Variants in IRGQ observed in about 807,000 individuals in gnomAD.
The protein encoded by IRGQ is immunity related GTPase Q, also known as immunity-related GTPase family Q protein.
A neutral mutation model predicts 10.5 loss-of-function variants in IRGQ; 5 were observed. The ratio of observed to expected loss-of-function variants is 0.48; its 90% CI spans 0.25 to 1.00. The LOEUF is 1.00. Among genes scored for constraint, IRGQ ranks in the 50% least tolerant of loss-of-function variants. The pLI is 0.16. For missense variants in IRGQ, 792 were observed against 877.7 expected, an observed-to-expected ratio of 0.90 and a Z score of 1.23; for synonymous variants, 418 against 426.0, an observed-to-expected ratio of 0.98 and a Z score of 0.23.
chr19:43,596,121 G>C lies in IRGQ; in HGVS notation c.-142C>G, dbSNP rs181082161. ...ATTTAGAGATGCCGGGACCCGTCCC[G>C]GTAGCTTTAACCTGACGTCACTCCC... is the stretch of plus-strand genomic sequence containing the variant. On this transcript the variant is annotated 5_prime_UTR_variant, in exon 1 of 3. Coordinates refer to ENST00000422989, the MANE Select transcript of IRGQ (RefSeq NM_001007561.3). 6.6e-6 allele frequency: 1 copy of C among 152,196 alleles called. No homozygotes were observed. The highest frequency in any genetic ancestry group is 2.4e-5 in the African/African-American group (1 of 41,448). The allele number at this position is 152,196 out of a possible 1,614,324, so 9.4% of individuals were successfully genotyped here. A position where few individuals can be genotyped will look rare whatever the true frequency, so the allele number is the denominator to read the frequency against.
chr19:43,595,622 G>A (rs1051920927), intron 1 of IRGQ: 5 of 292,538 alleles, frequency 1.7e-5, no homozygotes, highest in African/African-American at 6.5e-5. Flanking sequence ...CCAGTGCTTT[G>A]GGAGGCCGAG....
Position 43,592,984 on chromosome 19 carries a change from G to A in IRGQ, c.914C>T (p.Pro305Leu). ...THYDALILVTPGAPTEKDWAQ... is the reference protein window; with the variant it reads ...THYDALILVTLGAPTEKDWAQ... ...CCAGTCCTTCTCAGTGGGGGCCCCA[G>A]GGGTGACGAGGATGAGGGCGTCGTA... Residue 305 changes from proline (P) to leucine (L), a missense_variant, in exon 3 of 3, where the codon CCT becomes CTT. By Grantham distance (98) the Pro-to-Leu change is moderately conservative (BLOSUM62 -3). Transcript: ENST00000422989. The A allele has an allele frequency of 1.9e-6, 3 of 1,608,828 alleles. No individual in the cohort carries two copies. Among genetic ancestry groups the A allele is most frequent in the Non-Finnish European group, 2.5e-6 (3 of 1,179,736 alleles).
In IRGQ at chr19:43,592,419, C is replaced by T. The variant is rs1287711186; in HGVS notation, c.1479G>A (p.Ala493=). 1.9e-6 allele frequency: 3 copies of T among 1,575,710 alleles called. No individual in the cohort carries two copies. Among genetic ancestry groups the T allele is most frequent in the Admixed American group, 1.7e-5 (1 of 57,370 alleles). ...AGCCCAGCCCTGGGAGTGGTGCCGC[C>T]GCCGCCGCCAGACTAGCCAGCAGAG... ...RPALLASLAA[A]AAPLPGLGWA... is the part of the protein sequence containing the mutation. The change falls in exon 3 of 3, where the codon GCG becomes GCA. Residue 493 remains alanine (A), a synonymous_variant. Coordinates refer to ENST00000422989, the MANE Select transcript of IRGQ (RefSeq NM_001007561.3).
rs1973110712 is a variant in IRGQ at position 43,594,831 on chromosome 19, T to TCCGCAGCG, written c.507_508insCGCTGCGG (p.Ser170ArgfsTer28). The TCCGCAGCG allele has an allele frequency of 6.2e-7, 1 of 1,610,832 alleles. No individual in the cohort carries two copies. The highest frequency in any genetic ancestry group is 1.3e-5 in the African/African-American group (1 of 74,880). On this transcript the variant is annotated frameshift_variant, in exon 2 of 3. Coordinates refer to ENST00000422989, the MANE Select transcript of IRGQ (RefSeq NM_001007561.3). LOFTEE classifies it low-confidence loss of function (END_TRUNC). ...CACCTCCGCAGCGCTTCTGCCTGGC[T>TCCGCAGCG]CTGCAGCGCCGCCCGGAGGCGCTCT...
At chr19:43,594,556 G>A (rs8112771) in intron 2 of IRGQ, among the ~76,000 whole-genome samples, 3 of 152,096 alleles carry the variant, frequency 2.0e-5, no homozygotes, top group Non-Finnish European at 2.9e-5. Context: ...AAAAAAGGCC[G>A]GGTGTGGTGG....
Position 43,593,824 on chromosome 19 carries a change from C to G in IRGQ, c.531-457G>C, listed in dbSNP as rs1182237085. Among the ~76,000 whole-genome samples, 1 of 152,066 alleles carries G rather than the reference C, an allele frequency of 6.6e-6. No individual in the cohort carries two copies. The highest frequency in any genetic ancestry group is 6.6e-5 in the Admixed American group (1 of 15,262). On this transcript the variant is annotated intron_variant, in intron 2 of 2. Coordinates refer to ENST00000422989, the MANE Select transcript of IRGQ (RefSeq NM_001007561.3). The surrounding 1 kb of genome is among the most constrained non-coding windows in gnomAD (Gnocchi z 6.4). ...AAGGGCACTCTTTTCAGGGGCTGGG[C>G]CTAAGGAGGGTCAGTGAGGGGAGAA...
Position 43,592,638 on chromosome 19 carries a change from C to T in IRGQ, c.1260G>A (p.Thr420=), listed in dbSNP as rs750315910. The T allele has an allele frequency of 1.2e-6, 2 of 1,603,624 alleles. No individual in the cohort carries two copies. Among genetic ancestry groups the T allele is most frequent in the Non-Finnish European group, 8.5e-7 (1 of 1,179,938 alleles). ...RAAALSPEDE[T]WEVLEEAPPP... ...GCGGCGCCTCCTCCAGCACCTCCCA[C>T]GTCTCGTCCTCCGGGCTTAACGCAG... Residue 420 remains threonine (T), a synonymous_variant, in exon 3 of 3, where the codon ACG becomes ACA. Transcript: ENST00000422989.
chr19:43,589,194 G>C lies in IRGQ; in HGVS notation c.*2832C>G, dbSNP rs1312283956. 1 of 152,218 alleles carries C rather than the reference G, an allele frequency of 6.6e-6. No homozygotes were observed. Among genetic ancestry groups the C allele is most frequent in the Non-Finnish European group, 1.5e-5 (1 of 68,040 alleles). The allele number at this position is 152,218 out of a possible 1,614,324, so 9.4% of individuals were successfully genotyped here. A position where few individuals can be genotyped will look rare whatever the true frequency, so the allele number is the denominator to read the frequency against. On this transcript the variant is annotated 3_prime_UTR_variant, in exon 3 of 3. Transcript: ENST00000422989. ...CTTGCTTCCCAGGTCCCTGACCTCA[G>C]ACAAGGGTGTTCTCTCCCATTAAAT...
intron 1 of IRGQ, 170 bp from the exon 2 acceptor site, chr19:43,595,510 A>G: frequency 4.3e-6 from 2 of 460,874 alleles, no homozygotes; most frequent in Non-Finnish European, 7.3e-6. Flanking sequence ...ATTCCCCCAG[A>G]ATCCCAGGCG....
At chr19:43,594,783 G>T (rs375005289) in intron 2 of IRGQ, 26 bp downstream of exon 2, 59 of 1,574,840 alleles carry the variant, frequency 3.7e-5, no homozygotes, top group Middle Eastern at 2.2e-4. Flanking sequence ...TCGACTAACG[G>T]ACCCAGCCAG....
At position 43,592,600 on chromosome 19, in the gene IRGQ, G is replaced by A; in HGVS notation, c.1298C>T (p.Pro433Leu). Residue 433 changes from proline (P) to leucine (L), a missense_variant, in exon 3 of 3, where the codon CCC becomes CTC. Coordinates refer to ENST00000422989, the MANE Select transcript of IRGQ (RefSeq NM_001007561.3). ...VLEEAPPPVF[P>L]LRPGGLPGLC... ...CCCTGGGAGTCCGCCAGGCCGTAGG[G>A]GGAACACTGGCGGCGGCGCCTCCTC... The A allele has an allele frequency of 6.2e-7, 1 of 1,601,056 alleles. No individual in the cohort carries two copies. Among genetic ancestry groups the A allele is most frequent in the Non-Finnish European group, 8.5e-7 (1 of 1,179,870 alleles).
chr19:43,590,446 C>T lies in IRGQ; in HGVS notation c.*1580G>A, dbSNP rs1418365806. 6.6e-6 allele frequency: 1 copy of T among 152,250 alleles called. No individual in the cohort carries two copies. The allele number at this position is 152,250 out of a possible 1,614,324, so 9.4% of individuals were successfully genotyped here. A position where few individuals can be genotyped will look rare whatever the true frequency, so the allele number is the denominator to read the frequency against. On this transcript the variant is annotated 3_prime_UTR_variant, in exon 3 of 3. Transcript: ENST00000422989. ...CCTGCAACTTTTCCCCCACATGTGG[C>T]TAGCAGCCTAGAACATTCCAGGCAC... is the stretch of plus-strand genomic sequence containing the variant.
At position 43,586,324 on chromosome 19, in the gene IRGQ, A is replaced by T. The variant is rs1972993944; in HGVS notation, c.*5702T>A. ...ACCTTATGTCTTCACAAAGACTAAA[A>T]TGGAATCCCATTAAAAGTTATGATT... On this transcript the variant is annotated 3_prime_UTR_variant, in exon 3 of 3. Coordinates refer to ENST00000422989, the MANE Select transcript of IRGQ (RefSeq NM_001007561.3). 2 of 152,166 alleles carry T rather than the reference A, an allele frequency of 1.3e-5. No homozygotes were observed. Among genetic ancestry groups the T allele is most frequent in the South Asian group, 4.1e-4 (2 of 4,832 alleles). 9.4% of individuals were successfully genotyped at this position (152,166 alleles called of 1,614,324 possible). A position where few individuals can be genotyped will look rare whatever the true frequency, so the allele number is the denominator to read the frequency against.
In IRGQ at chr19:43,591,881, C is replaced by A; in HGVS notation, c.*145G>T. On this transcript the variant is annotated 3_prime_UTR_variant, in exon 3 of 3. Coordinates refer to ENST00000422989, the MANE Select transcript of IRGQ (RefSeq NM_001007561.3). ...AAAAAAAAAAAAAAAAATCAGGATTCCTGTCCCCCAGACTCTCTGAATCCA... is the reference window on the plus strand; with the variant it reads ...AAAAAAAAAAAAAAAAATCAGGATTACTGTCCCCCAGACTCTCTGAATCCA... The A allele has an allele frequency of 1.5e-6, 1 of 649,968 alleles. No individual in the cohort carries two copies. The highest frequency in any genetic ancestry group is 2.4e-6 in the Non-Finnish European group (1 of 415,974). 40.3% of individuals were successfully genotyped at this position (649,968 alleles called of 1,614,324 possible).
Position 43,596,062 on chromosome 19 carries a change from G to C in IRGQ, c.-83C>G, listed in dbSNP as rs888971091. On this transcript the variant is annotated 5_prime_UTR_variant, in exon 1 of 3. Coordinates refer to ENST00000422989, the MANE Select transcript of IRGQ (RefSeq NM_001007561.3). ...CTGAGAAGCCCGGCCCCTGGGCCGC[G>C]GCGGACGGAGGCCGAAGAGGCCAGG... 3.3e-5 allele frequency: 5 copies of C among 152,216 alleles called. No individual in the cohort carries two copies. Among genetic ancestry groups the C allele is most frequent in the Admixed American group, 3.3e-4 (5 of 15,284 alleles). The allele number at this position is 152,216 out of a possible 1,614,324, so 9.4% of individuals were successfully genotyped here.
rs1657605556 is a variant in IRGQ at position 43,587,639 on chromosome 19, C to T, written c.*4387G>A. ...ATACCGATGACGCCAGGCACGGTGCCTCACGCCTGTAATCCTAGCACTTTG... is the reference window on the plus strand; with the variant it reads ...ATACCGATGACGCCAGGCACGGTGCTTCACGCCTGTAATCCTAGCACTTTG... On this transcript the variant is annotated 3_prime_UTR_variant, in exon 3 of 3. Coordinates refer to ENST00000422989, the MANE Select transcript of IRGQ (RefSeq NM_001007561.3). 1 of 152,174 alleles carries T rather than the reference C, an allele frequency of 6.6e-6. No homozygotes were observed. The highest frequency in any genetic ancestry group is 1.5e-5 in the Non-Finnish European group (1 of 68,032). The allele number at this position is 152,174 out of a possible 1,614,324, so 9.4% of individuals were successfully genotyped here.
intron 2 of IRGQ, among the ~76,000 whole-genome samples, chr19:43,594,318 C>G (rs1472579848): frequency 1.3e-5 from 2 of 152,142 alleles, no homozygotes; most frequent in African/African-American, 2.4e-5. Context: ...AAGCCTTTCC[C>G]TTTTAATTCT....
chr19:43,591,885 T>G lies in IRGQ; in HGVS notation c.*141A>C. Reference sequence around the variant, plus strand: ...AAAAAAAAAAAAATCAGGATTCCTGTCCCCCAGACTCTCTGAATCCAGGTG... The same window carrying G: ...AAAAAAAAAAAAATCAGGATTCCTGGCCCCCAGACTCTCTGAATCCAGGTG... On this transcript the variant is annotated 3_prime_UTR_variant, in exon 3 of 3. Coordinates refer to ENST00000422989, the MANE Select transcript of IRGQ (RefSeq NM_001007561.3). 1 of 676,352 alleles carries G rather than the reference T, an allele frequency of 1.5e-6. No homozygotes were observed. Among genetic ancestry groups the G allele is most frequent in the Non-Finnish European group, 2.3e-6 (1 of 441,544 alleles). 41.9% of individuals were successfully genotyped at this position (676,352 alleles called of 1,614,324 possible).
Position 43,593,421 on chromosome 19 carries a change from G to C in IRGQ, c.531-54C>G. 6.8e-7 allele frequency: 1 copy of C among 1,464,622 alleles called. No homozygotes were observed. The highest frequency in any genetic ancestry group is 2.3e-5 in the East Asian group (1 of 43,156). The allele number at this position is 1,464,622 out of a possible 1,614,324, so 90.7% of individuals were successfully genotyped here. A position where few individuals can be genotyped will look rare whatever the true frequency, so the allele number is the denominator to read the frequency against. On this transcript the variant is annotated intron_variant, in intron 2 of 2. Coordinates refer to ENST00000422989, the MANE Select transcript of IRGQ (RefSeq NM_001007561.3). The surrounding 1 kb of genome is among the most constrained non-coding windows in gnomAD (Gnocchi z 6.4). ...AGGTAGAAGAGGGGCTGGGTGACAT[G>C]GACTGGGCTATGATGACAAGGGCAG... is the stretch of plus-strand genomic sequence containing the variant.
Sources: allele counts gnomAD v4.1 joint callset (sites outside exome capture counted in the v4.1 genomes callset), GRCh38; gene constraint gnomAD v4.1.1; non-coding constraint Gnocchi (gnomAD v3.1); transcripts MANE v1.5; gene names NCBI Gene and HGNC (gene_info 2026-07-23, HGNC 2026-07-21).